CDC20B: variants seen among roughly 807,000 people sequenced by gnomAD.
CDC20B encodes cell division cycle 20B.
In CDC20B, 58 loss-of-function variants were observed where a neutral mutation model predicts 64.1. The observed-to-expected ratio is 0.90, with a 90% CI of 0.73 to 1.13. The LOEUF (loss-of-function observed/expected upper bound fraction) is 1.13, where lower values mean the gene tolerates loss of function less well. CDC20B is among the 50% of genes most tolerant of loss of function. The pLI, the probability that CDC20B is intolerant of heterozygous loss-of-function variation, is 0.00. For synonymous variants in CDC20B, 243 were observed against 230.6 expected, an observed-to-expected ratio of 1.05 and a Z score of -0.49; for missense variants, 597 against 633.0, an observed-to-expected ratio of 0.94 and a Z score of 0.61.
intron 10 of CDC20B, 45 bp from the exon 11 acceptor site, chr5:55,119,963 C>G: frequency 7.2e-7 from 1 of 1,388,210 alleles, no homozygotes; most frequent in Non-Finnish European, 1.0e-6. Context: ...ATTTCTGATT[C>G]CTTATGAATA....
At chr5:55,142,313 G>A (rs1187460741) in intron 4 of CDC20B, among the ~76,000 whole-genome samples, 3 of 152,024 alleles carry the variant, frequency 2.0e-5, no homozygotes, top group African/African-American at 4.8e-5. Context: ...CACCACTCTC[G>A]ATGCTATTTG....
Position 55,140,375 on chromosome 5 carries a change from G to A in CDC20B, c.519C>T (p.Asn173=), listed in dbSNP as rs148103908. ...TTTTTCCATTAGCCTGCTGAACCAC[G>A]TTCTGGGTTACAAAGAGTTGTTTTA... ...KCLKQLFVTQ[N]VVQQANGKMQ... Residue 173 remains asparagine, a synonymous_variant, in exon 5 of 12, where the codon AAC becomes AAT. Transcript: ENST00000381375. The A allele has an allele frequency of 1.1e-3, 1,841 of 1,613,064 alleles. 25 individuals carry two copies. The highest frequency in any genetic ancestry group is 3.3e-4 in the Non-Finnish European group (389 of 1,179,514).
At chr5:55,126,004 T>C (rs1465756342) in intron 8 of CDC20B, among the ~76,000 whole-genome samples, 1 of 152,254 alleles carries the variant, frequency 6.6e-6, no homozygotes, top group Non-Finnish European at 1.5e-5. Flanking sequence ...CACAGAGTAG[T>C]CTGAAAATGT....
intron 1 of CDC20B, 22 bp downstream of exon 1, chr5:55,172,916 T>G (rs374482641): frequency 9.0e-5 from 142 of 1,585,328 alleles, no homozygotes; most frequent in Non-Finnish European, 1.2e-4. Flanking sequence ...TTAGGGAGAA[T>G]GCAGAAAAGG....
At chr5:55,132,927 C>T (rs539356806) in intron 6 of CDC20B, among the ~76,000 whole-genome samples, 6 of 152,202 alleles carry the variant, frequency 3.9e-5, no homozygotes, top group Non-Finnish European at 8.8e-5. Context: ...ATCTCCACAA[C>T]GTCTTTCTGG....
At chr5:55,130,725 T>C (rs1743008596) in intron 6 of CDC20B, among the ~76,000 whole-genome samples, 2 of 152,194 alleles carry the variant, frequency 1.3e-5, no homozygotes, top group Admixed American at 1.3e-4. Context: ...TTGGTAAATA[T>C]TTGGGTGAAC....
At chr5:55,123,469 A>C (rs1742803806) in intron 9 of CDC20B, among the ~76,000 whole-genome samples, 1 of 152,198 alleles carries the variant, frequency 6.6e-6, no homozygotes, top group South Asian at 2.1e-4. Context: ...CAAAACTAGA[A>C]GCTACACCAT....
In CDC20B at chr5:55,154,399, C is replaced by T. The variant is rs185989708; in HGVS notation, c.127-7543G>A. 8.7e-4 allele frequency among the ~76,000 whole-genome samples: 133 copies of T among 152,136 alleles called. 1 individual carries two copies. The highest frequency in any genetic ancestry group is 3.0e-3 in the African/African-American group (123 of 41,504). The stretch of plus-strand genomic sequence containing the variant: ...TGGGCATGGTGGCACGCACCTGTGG[C>T]CCAGCTACTTGGGAGGCTAAGGTGG... On this transcript the variant is annotated intron_variant, in intron 2 of 11. Coordinates refer to ENST00000381375, the MANE Select transcript of CDC20B (RefSeq NM_001170402.1).
At position 55,173,149 on chromosome 5, in the gene CDC20B, A is replaced by G. The variant is rs1744682041; in HGVS notation, c.-149T>C. 3.1e-6 allele frequency: 2 copies of G among 638,650 alleles called. No individual in the cohort carries two copies. Among genetic ancestry groups the G allele is most frequent in the Non-Finnish European group, 5.5e-6 (2 of 366,526 alleles). 39.6% of individuals were successfully genotyped at this position (638,650 alleles called of 1,614,324 possible). A position where few individuals can be genotyped will look rare whatever the true frequency, so the allele number is the denominator to read the frequency against. On this transcript the variant is annotated 5_prime_UTR_variant, in exon 1 of 12. Transcript: ENST00000381375. ...CCATTCTATTTCACCACCTCCCTCC[A>G]GGTCCCCCACTCCTCCCACCGCCGC...
chr5:55,117,239 T>C (rs1742644982), intron 11 of CDC20B, among the ~76,000 whole-genome samples: 1 of 152,152 alleles, frequency 6.6e-6, no homozygotes, highest in Non-Finnish European at 1.5e-5. Context: ...GGGTGAGGTC[T>C]CTTTAACTGA....
intron 2 of CDC20B, among the ~76,000 whole-genome samples, chr5:55,171,903 TTGCAAAATTTATA>T (rs1744610889): frequency 6.6e-6 from 1 of 152,156 alleles, no homozygotes; most frequent in Non-Finnish European, 1.5e-5. Context: ...CAGTGCCTAG[TTGCAAAATTTATA>T]TAAGATCTAG....
At chr5:55,157,683 G>A (rs967135962) in intron 2 of CDC20B, among the ~76,000 whole-genome samples, 3 of 152,168 alleles carry the variant, frequency 2.0e-5, no homozygotes, top group African/African-American at 7.2e-5. Context: ...GTTTGTAACA[G>A]CATAATTTTG....
chr5:55,127,156 A>G (rs1742913201), intron 8 of CDC20B, 101 bp downstream of exon 8: 1 of 1,052,050 alleles, frequency 9.5e-7, no homozygotes, highest in African/African-American at 1.6e-5. Flanking sequence ...ATTTTGTTTT[A>G]TTTTTGATTG....
At chr5:55,149,782 G>A (rs889246466) in intron 2 of CDC20B, among the ~76,000 whole-genome samples, 2 of 152,328 alleles carry the variant, frequency 1.3e-5, no homozygotes, top group Admixed American at 1.3e-4. Context: ...GAACAAGAGA[G>A]AAGTGGTGGT....
At chr5:55,164,712 C>T (rs1214740823) in intron 2 of CDC20B, 1 of 152,154 alleles carries the variant, frequency 6.6e-6, no homozygotes, top group East Asian at 1.9e-4. Flanking sequence ...TGGAATAAAA[C>T]ACAAATGTTG....
chr5:55,168,693 A>T (rs1296318253), intron 2 of CDC20B, among the ~76,000 whole-genome samples: 1 of 152,154 alleles, frequency 6.6e-6, no homozygotes, highest in African/African-American at 2.4e-5. Flanking sequence ...AAGAAAACTT[A>T]AAAAAATTTA....
At chr5:55,168,382 C>G (rs1031324022) in intron 2 of CDC20B, among the ~76,000 whole-genome samples, 19 of 151,830 alleles carry the variant, frequency 1.3e-4, no homozygotes, top group Non-Finnish European at 2.9e-5. Flanking sequence ...ATCAGCAGAA[C>G]CTCCCTCCTC....
rs183116583 is a variant in CDC20B at position 55,149,986 on chromosome 5, T to C, written c.127-3130A>G. 1.8e-3 allele frequency among the ~76,000 whole-genome samples: 276 copies of C among 152,048 alleles called. 2 individuals carry two copies. In the Middle Eastern group the frequency reaches 0.02, roughly 11 times the overall value. ...CCATCTCTACTAAAAATACAAAAAT[T>C]AGCCAGCCGTGGTGGCATGTGCCTG... On this transcript the variant is annotated intron_variant, in intron 2 of 11. Transcript: ENST00000381375.
chr5:55,161,201 C>T (rs2111943279), intron 2 of CDC20B: 1 of 1,614,138 alleles, frequency 6.2e-7, no homozygotes, highest in East Asian at 2.2e-5. Context: ...CCCCATCTTC[C>T]ACAAGATTAA....
Sources: allele counts gnomAD v4.1 joint callset (sites outside exome capture counted in the v4.1 genomes callset), GRCh38; gene constraint gnomAD v4.1.1; transcripts MANE v1.5; gene names NCBI Gene and HGNC (gene_info 2026-07-23, HGNC 2026-07-21).